The following SRPK3 variants were observed in gnomAD, a reference collection of about 807,000 sequenced individuals.
SRPK3 encodes SFRS protein kinase 3.
In SRPK3, 26 loss-of-function variants were observed where a neutral mutation model predicts 45.3. The ratio of observed to expected loss-of-function variants is 0.57; its 90% CI spans 0.42 to 0.80. The LOEUF is 0.80. Ranked by LOEUF, SRPK3 falls within the 30% of genes least tolerant of loss-of-function variation. SRPK3 has a pLI of 0.00. For synonymous variants in SRPK3, 254 were observed against 226.6 expected, an observed-to-expected ratio of 1.12 and a Z score of -1.09; for missense variants, 536 against 514.5, an observed-to-expected ratio of 1.04 and a Z score of -0.40.
At chrX:153,782,655 G>T (rs2092058833) in intron 5 of SRPK3, 117 bp from the exon 6 acceptor site, 1 of 640,991 alleles carries the variant, frequency 1.6e-6, no homozygotes, top group Admixed American at 3.8e-5. Flanking sequence ...GACTGCCCAG[G>T]GGAGGCCCTG....
rs781958301 is a variant in SRPK3, at chrX:153,785,524, C to T, written c.*4C>T. The T allele has an allele frequency of 8.3e-6, 10 of 1,199,068 alleles. No individual in the cohort carries two copies. The Admixed American group carries it at 8.8e-5, about 11-fold the overall frequency. ...GCACCCCTGGCTCAACCCCTAGGCC[C>T]GGCTGTGGCTCCACCTCCAGCTCTC... On this transcript the variant is annotated 3_prime_UTR_variant, in exon 15 of 15. Transcript: ENST00000370101.
rs150937454 is a variant in SRPK3 at position 153,783,079 on chromosome X, T to C, written c.709T>C (p.Trp237Arg). ...IRRLAAEATE[W>R]QQAGAPPPSR... is the part of the protein sequence containing the mutation. ...GCGCCTGGCTGCCGAGGCCACGGAG[T>C]GGCAACAGGCAGGGGCGCCGCCCCC... is the stretch of plus-strand genomic sequence containing the variant. The change falls in exon 7 of 15, where the codon TGG (tryptophan) becomes CGG (arginine). Residue 237 changes from tryptophan to arginine, a missense_variant. Transcript: ENST00000370101. 2.6e-4 allele frequency: 305 copies of C among 1,164,994 alleles called. 1 individual carries two copies. In the African/African-American group the frequency reaches 4.6e-3, roughly 18 times the overall value.
intron 4 of SRPK3, 55 bp from the exon 5 acceptor site, chrX:153,782,066 C>A: frequency 9.2e-7 from 1 of 1,090,268 alleles, no homozygotes; most frequent in Non-Finnish European, 1.3e-6. Context: ...CTGAAGGGAG[C>A]TGTGGGCTTC....
chrX:153,781,443 G>C, intron 2 of SRPK3, 62 bp from the exon 3 acceptor site: 2 of 1,181,253 alleles, frequency 1.7e-6, no homozygotes, highest in Non-Finnish European at 2.3e-6. Flanking sequence ...TGGGGCCGAG[G>C]TGTTCGGGGG....
At position 153,781,307 on chromosome X, in the gene SRPK3, G is replaced by A. The variant is rs782581291; in HGVS notation, c.151G>A (p.Asp51Asn). The stretch of plus-strand genomic sequence containing the variant: ...GATGCTGCAGGGCCTTCTGGGCTCC[G>A]ACGACGAGGAACAGGAAGACCCCAA... Reference protein sequence around the residue: ...PQMLQGLLGSDDEEQEDPKDY... With the variant: ...PQMLQGLLGSNDEEQEDPKDY... Residue 51 changes from aspartate (D) to asparagine (N), a missense_variant, in exon 2 of 15, where the codon GAC becomes AAC. By Grantham distance (23) the Asp-to-Asn change is conservative (BLOSUM62 1). Transcript: ENST00000370101. 1.9e-5 allele frequency: 23 copies of A among 1,205,931 alleles called. No individual in the cohort carries two copies. The highest frequency in any genetic ancestry group is 1.2e-4 in the South Asian group (7 of 56,220).
At chrX:153,783,200 C>G (rs372400669) in intron 7 of SRPK3, 26 bp from the exon 8 acceptor site, 67 of 999,714 alleles carry the variant, frequency 6.7e-5, no homozygotes, top group Middle Eastern at 3.3e-4. Context: ...CTGTCCCCCC[C>G]CACCGCTCCC....
chrX:153,781,659 T>G, intron 3 of SRPK3, 46 bp downstream of exon 3: 2 of 1,201,375 alleles, frequency 1.7e-6, no homozygotes, highest in Non-Finnish European at 2.3e-6. Context: ...GCTGGGATCC[T>G]GTCCCTGGGC....
At chrX:153,784,701 C>T in intron 11 of SRPK3, 49 bp from the exon 12 acceptor site, 6 of 1,178,022 alleles carry the variant, frequency 5.1e-6, no homozygotes, top group Non-Finnish European at 6.9e-6. Flanking sequence ...TCCGTGGGGG[C>T]AGGACAGCCT....
In SRPK3 at chrX:153,781,231, C is replaced by A. The variant is rs61756676; in HGVS notation, c.75C>A (p.Cys25Ter). ...CCACCCGCAGCTCACAGGCCTCCTG[C>A]GGGCCCGAGTCCTCGGGCTCCGAAC... is the stretch of plus-strand genomic sequence containing the variant. ...GGSSSSSQAS[C>*]GPESSGSELA... Residue 25 changes from cysteine to a stop codon, truncating the protein, a stop_gained, in exon 2 of 15, where the codon TGC (cysteine) becomes TGA (stop). Coordinates refer to ENST00000370101, the MANE Select transcript of SRPK3 (RefSeq NM_014370.4). LOFTEE classifies it high-confidence loss of function. 6 of 1,206,667 alleles carry A rather than the reference C, an allele frequency of 5.0e-6. No individual in the cohort carries two copies. In the African/African-American group the frequency reaches 8.7e-5, roughly 18 times the overall value.
rs1237783397 is a variant in SRPK3 at position 153,783,334 on chromosome X, A to AC, written c.774+89dup. 1.2e-5 allele frequency: 8 copies of AC among 642,561 alleles called. No individual in the cohort carries two copies. In the African/African-American group the frequency reaches 1.4e-4, roughly 11 times the overall value. The allele number at this position is 642,561 out of a possible 1,213,427, so 53.0% of individuals were successfully genotyped here. On this transcript the variant is annotated intron_variant, in intron 8 of 14. Coordinates refer to ENST00000370101, the MANE Select transcript of SRPK3 (RefSeq NM_014370.4). The stretch of plus-strand genomic sequence containing the variant: ...CCATCTCTGGAGCCACAGTGGCTCC[A>AC]CCCCCCACCTTCACGCACTCCCACG...
intron 8 of SRPK3, 69 bp downstream of exon 8, chrX:153,783,320 G>C: frequency 1.3e-6 from 1 of 776,180 alleles, no homozygotes; most frequent in Non-Finnish European, 1.9e-6. Flanking sequence ...CATCTCTGGA[G>C]CCACAGTGGC....
intron 4 of SRPK3, 106 bp downstream of exon 4, chrX:153,781,936 T>C: frequency 1.0e-6 from 1 of 993,933 alleles, no homozygotes; most frequent in Non-Finnish European, 1.4e-6. Context: ...CGGGGCTCCC[T>C]GAGGGGCAGC....
At position 153,781,249 on chromosome X, in the gene SRPK3, CTCCGAACTAGCCCTGG is replaced by C. The variant is rs782083320; in HGVS notation, c.94_109del (p.Ser32ProfsTer33). ...CCTCCTGCGGGCCCGAGTCCTCGGG[CTCCGAACTAGCCCTGG>C]CCACACCGGTGCCTCAGATGCTGCA... is the stretch of plus-strand genomic sequence containing the variant. On this transcript the variant is annotated frameshift_variant, in exon 2 of 15. Transcript: ENST00000370101. LOFTEE classifies it high-confidence loss of function. 8.3e-7 allele frequency: 1 copy of C among 1,208,304 alleles called. No homozygotes were observed. The highest frequency in any genetic ancestry group is 1.7e-5 in the African/African-American group (1 of 57,545).
intron 4 of SRPK3, 74 bp downstream of exon 4, chrX:153,781,904 G>A (rs1486245822): frequency 1.8e-6 from 2 of 1,128,628 alleles, no homozygotes; most frequent in Non-Finnish European, 2.4e-6. Context: ...TGCAAGGCCT[G>A]CCGGGGCTCT....
rs781963028 is a variant in SRPK3, at chrX:153,783,264, G to T, written c.774+13G>T. The T allele has an allele frequency of 5.0e-5, 59 of 1,187,741 alleles. 1 individual carries two copies. The highest frequency in any genetic ancestry group is 6.7e-5 in the Non-Finnish European group (59 of 882,290). On this transcript the variant is annotated intron_variant, in intron 8 of 14. Coordinates refer to ENST00000370101, the MANE Select transcript of SRPK3 (RefSeq NM_014370.4). ...CCAGGAGGTCTTGGTAAGTTGGGGG[G>T]CCCCTCTCTCCCATGCCTCCTCTCC...
In SRPK3 at chrX:153,783,054, G is replaced by C; in HGVS notation, c.684G>C (p.Arg228Ser). The C allele has an allele frequency of 8.5e-7, 1 of 1,176,497 alleles. No individual in the cohort carries two copies. The highest frequency in any genetic ancestry group is 1.1e-6 in the Non-Finnish European group (1 of 878,154). ...TGTGTGTGGGGGACGCTTACATCAG[G>C]CGCCTGGCTGCCGAGGCCACGGAGT... Reference protein sequence around the residue: ...ILLCVGDAYIRRLAAEATEWQ... With the variant: ...ILLCVGDAYISRLAAEATEWQ... Residue 228 changes from arginine to serine, a missense_variant, in exon 7 of 15, where the codon AGG (arginine) becomes AGC (serine). Coordinates refer to ENST00000370101, the MANE Select transcript of SRPK3 (RefSeq NM_014370.4).
rs781933187 is a variant in SRPK3 at position 153,784,015 on chromosome X, T to G, written c.949T>G (p.Ser317Ala). 2.0e-5 allele frequency: 24 copies of G among 1,205,355 alleles called. No individual in the cohort carries two copies. Among genetic ancestry groups the G allele is most frequent in the Non-Finnish European group, 2.7e-5 (24 of 892,607 alleles). Reference protein sequence around the residue: ...RLDGGSGSTSSSGCHPGGARA... With the variant: ...RLDGGSGSTSASGCHPGGARA... ...AGACGGGGGCAGCGGCTCCACATCC[T>G]CTTCAGGCTGTCACCCCGGGGGCGC... The change falls in exon 10 of 15, where the codon TCT (serine) becomes GCT (alanine). Residue 317 changes from serine to alanine, a missense_variant. By Grantham distance (99) the Ser-to-Ala change is moderately conservative. Transcript: ENST00000370101.
intron 4 of SRPK3, 40 bp from the exon 5 acceptor site, chrX:153,782,081 C>A (rs1162040411): frequency 7.9e-6 from 9 of 1,137,514 alleles, no homozygotes; most frequent in Non-Finnish European, 9.7e-6. Flanking sequence ...GGCTTCAGGG[C>A]AGGGTGGAAC....
rs781958214 is a variant in SRPK3, at chrX:153,781,833, G to A, written c.387+3G>A. The A allele has an allele frequency of 5.8e-6, 7 of 1,210,700 alleles. No individual in the cohort carries two copies. The highest frequency in any genetic ancestry group is 3.5e-5 in the South Asian group (2 of 56,980). ...ATGAGATCAAGCTCCTGAAATGTGT[G>A]AGGCACCTCCCTACCCCACTCCCAG... is the stretch of plus-strand genomic sequence containing the variant. On this transcript the variant is annotated splice_donor_region_variant and intron_variant, in intron 4 of 14. Transcript: ENST00000370101.
Sources: gnomAD v4.1 joint callset for allele counts on GRCh38, gnomAD v4.1.1 for gene constraint, MANE v1.5 for transcripts, NCBI Gene and HGNC (gene_info 2026-07-23, HGNC 2026-07-21) for gene names.